The following SLC71A2 variants were observed in gnomAD, a reference collection of about 807,000 sequenced individuals.
SLC71A2 encodes the protein solute carrier family 71 member 2.
At chr9:94,422,176 T>TA in the SLC71A2 span, among the ~76,000 whole-genome samples, 1 of 152,200 alleles carries the variant, frequency 6.6e-6, no homozygotes, top group Non-Finnish European at 1.5e-5. Context: ...TGGCCATTGT[T>TA]ACAGTTTATT....
chr9:94,383,764 T>C, the SLC71A2 span, among the ~76,000 whole-genome samples: 12 of 152,026 alleles, frequency 7.9e-5, no homozygotes, highest in Non-Finnish European at 1.6e-4. Flanking sequence ...AGTCTTCTGA[T>C]GCATGAATGT....
chr9:94,459,652 C>A, the SLC71A2 span: 1 of 446,994 alleles, frequency 2.2e-6, no homozygotes, highest in Non-Finnish European at 4.0e-6. Context: ...TACTTCCTTG[C>A]AAATAATGTG....
At chr9:94,399,950 C>A in the SLC71A2 span, among the ~76,000 whole-genome samples, 1 of 151,870 alleles carries the variant, frequency 6.6e-6, no homozygotes, top group Admixed American at 6.6e-5. Context: ...GGATTACAGG[C>A]GTGTGCCACC....
the SLC71A2 span, among the ~76,000 whole-genome samples, chr9:94,401,087 C>A: frequency 6.6e-6 from 1 of 151,266 alleles, no homozygotes; most frequent in Non-Finnish European, 1.5e-5. Context: ...CTTTTCTTTT[C>A]CTTTTTTTTT....
chr9:94,382,162 G>T, the SLC71A2 span, among the ~76,000 whole-genome samples: 1 of 151,708 alleles, frequency 6.6e-6, no homozygotes, highest in Admixed American at 6.6e-5. Context: ...GAGTAACTGG[G>T]ACTACAGGCA....
chr9:94,388,545 G>C, the SLC71A2 span, among the ~76,000 whole-genome samples: 5 of 152,284 alleles, frequency 3.3e-5, no homozygotes, highest in Non-Finnish European at 7.3e-5. Flanking sequence ...ACATTAGGTG[G>C]AGTACTAAGC....
At chr9:94,397,222 C>G in the SLC71A2 span, among the ~76,000 whole-genome samples, 2 of 152,022 alleles carry the variant, frequency 1.3e-5, no homozygotes, top group Non-Finnish European at 2.9e-5. Flanking sequence ...TAGAGTTTTC[C>G]TATACTCCAT....
the SLC71A2 span, among the ~76,000 whole-genome samples, chr9:94,436,498 T>G: frequency 6.6e-6 from 1 of 152,240 alleles, no homozygotes; most frequent in African/African-American, 2.4e-5. Flanking sequence ...GAAGCTAAAC[T>G]TACCCACAGC....
At chr9:94,437,705 T>G in the SLC71A2 span, among the ~76,000 whole-genome samples, 8 of 144,848 alleles carry the variant, frequency 5.5e-5, no homozygotes, top group African/African-American at 2.1e-4. Context: ...TTGTACCAGT[T>G]AATGCAGTTT....
the SLC71A2 span, among the ~76,000 whole-genome samples, chr9:94,451,711 A>G: frequency 6.6e-6 from 1 of 152,230 alleles, no homozygotes; most frequent in Non-Finnish European, 1.5e-5. Flanking sequence ...ACTGATGTGA[A>G]TGTGGTCCAC....
the SLC71A2 span, among the ~76,000 whole-genome samples, chr9:94,425,695 C>T: frequency 1.3e-5 from 2 of 151,878 alleles, no homozygotes; most frequent in African/African-American, 2.4e-5. Flanking sequence ...CTACCTGATT[C>T]GTAAACCATA....
At chr9:94,429,549 A>G in the SLC71A2 span, among the ~76,000 whole-genome samples, 1 of 152,000 alleles carries the variant, frequency 6.6e-6, no homozygotes, top group East Asian at 1.9e-4. Context: ...CTGCCTATCA[A>G]CAGAATAAAG....
chr9:94,417,952 G>A, the SLC71A2 span, among the ~76,000 whole-genome samples: 1 of 133,208 alleles, frequency 7.5e-6, no homozygotes, highest in Non-Finnish European at 1.5e-5. Flanking sequence ...CGCCTCCCGG[G>A]TTCAAGCAAT....
chr9:94,416,380 G>A, the SLC71A2 span, among the ~76,000 whole-genome samples: 1 of 152,058 alleles, frequency 6.6e-6, no homozygotes, highest in African/African-American at 2.4e-5. Context: ...AAAAATTGGA[G>A]CTTAACTCTT....
At chr9:94,384,237 G>A in the SLC71A2 span, among the ~76,000 whole-genome samples, 1 of 151,632 alleles carries the variant, frequency 6.6e-6, no homozygotes, top group Non-Finnish European at 1.5e-5. Context: ...CATATATATG[G>A]AATCATACCA....
chr9:94,440,083 A>G, the SLC71A2 span, among the ~76,000 whole-genome samples: 1 of 152,194 alleles, frequency 6.6e-6, no homozygotes, highest in Non-Finnish European at 1.5e-5. Context: ...ACAGATTTTT[A>G]AAAAACATTA....
At chr9:94,408,158 C>G in the SLC71A2 span, among the ~76,000 whole-genome samples, 1 of 152,238 alleles carries the variant, frequency 6.6e-6, no homozygotes, top group Non-Finnish European at 1.5e-5. Flanking sequence ...TCAACTTTAC[C>G]TTGATGCAAA....
At chr9:94,426,587 G>C in the SLC71A2 span, among the ~76,000 whole-genome samples, 4 of 152,008 alleles carry the variant, frequency 2.6e-5, no homozygotes, top group Admixed American at 6.6e-5. Flanking sequence ...TATATCTGTG[G>C]AAGTGGAGAA....
chr9:94,394,535 C>T, the SLC71A2 span, among the ~76,000 whole-genome samples: 1 of 79,968 alleles, frequency 1.3e-5, no homozygotes. Flanking sequence ...GCAGTCTCCA[C>T]CTCCCAGGCT....
Sources: allele counts gnomAD v4.1 joint callset (sites outside exome capture counted in the v4.1 genomes callset), GRCh38; gene constraint gnomAD v4.1.1; transcripts MANE v1.5; gene names NCBI Gene and HGNC (gene_info 2026-07-23, HGNC 2026-07-21).